Variants in TPX2 observed in about 807,000 individuals in gnomAD.
TPX2 encodes the protein TPX2 microtubule nucleation factor.
In TPX2, 21 loss-of-function variants were observed where a neutral mutation model predicts 93.6. That is an observed-to-expected ratio of 0.22 (90% CI 0.16 to 0.32). TPX2 has a LOEUF of 0.32. Among genes scored for constraint, TPX2 ranks in the 10% least tolerant of loss-of-function variants. The probability of loss-of-function intolerance (pLI) is 1.00; values close to 1 mark genes in which losing one functional copy is unlikely to be tolerated. For missense variants in TPX2, 776 were observed against 871.1 expected, an observed-to-expected ratio of 0.89 and a Z score of 1.37; for synonymous variants, 281 against 298.3, an observed-to-expected ratio of 0.94 and a Z score of 0.60.
chr20:31,752,645 G>A (rs1367430080), intron 2 of TPX2, among the ~76,000 whole-genome samples: 1 of 151,664 alleles, frequency 6.6e-6, no homozygotes, highest in Non-Finnish European at 1.5e-5. Flanking sequence ...ACGGAGTCTC[G>A]CACTGTTGCC....
intron 10 of TPX2, among the ~76,000 whole-genome samples, chr20:31,781,251 A>ATTTTTT (rs1423403725): frequency 8.2e-6 from 1 of 121,214 alleles, no homozygotes; most frequent in African/African-American, 3.8e-5. Context: ...AAGGCCTTAT[A>ATTTTTT]TCTTTTTTTT....
intron 17 of TPX2, 39 bp downstream of exon 17, chr20:31,798,591 C>T (rs1460321404): frequency 2.6e-6 from 4 of 1,546,350 alleles, no homozygotes; most frequent in East Asian, 2.3e-5. Context: ...ACAAACATGC[C>T]TCTGTTTTAT....
chr20:31,769,418 A>G (rs2061950220), intron 5 of TPX2, among the ~76,000 whole-genome samples: 1 of 149,414 alleles, frequency 6.7e-6, no homozygotes, highest in Non-Finnish European at 1.5e-5. Flanking sequence ...TCCCGGGTTC[A>G]CGCCATTCTC....
intron 3 of TPX2, among the ~76,000 whole-genome samples, chr20:31,758,660 C>G (rs1175839949): frequency 6.6e-6 from 1 of 152,108 alleles, no homozygotes; most frequent in African/African-American, 2.4e-5. Flanking sequence ...CTGTACTTAT[C>G]CGTATAGTGC....
At chr20:31,783,652 G>A in intron 11 of TPX2, 53 bp from the exon 12 acceptor site, 1 of 1,539,628 alleles carries the variant, frequency 6.5e-7, no homozygotes. Context: ...TGTTTGTGAA[G>A]TTTTCATTTT....
rs1405898707 is a variant in TPX2 at position 31,757,538 on chromosome 20, C to T, written c.62C>T (p.Ser21Phe). The change falls in exon 3 of 18, where the codon TCC becomes TTC. Residue 21 changes from serine (S) to phenylalanine (F), a missense_variant. Coordinates refer to ENST00000300403, the MANE Select transcript of TPX2 (RefSeq NM_012112.5). ...CCCTCGGATTTCATCAATTTTTCAT[C>T]CTTGGATGATGAAGGAGATACTCAA... The part of the protein sequence containing the change: ...DAPSDFINFS[S>F]LDDEGDTQNI... 6.2e-7 allele frequency: 1 copy of T among 1,613,948 alleles called. No homozygotes were observed. The highest frequency in any genetic ancestry group is 2.2e-5 in the East Asian group (1 of 44,852).
At chr20:31,740,927 G>T (rs1224206805) in intron 1 of TPX2, among the ~76,000 whole-genome samples, 2 of 152,124 alleles carry the variant, frequency 1.3e-5, no homozygotes, top group East Asian at 3.8e-4. Context: ...AAAATTGCGG[G>T]TATGAAAAAC....
chr20:31,766,735 A>G, intron 5 of TPX2, 53 bp downstream of exon 5: 1 of 1,563,694 alleles, frequency 6.4e-7, no homozygotes, highest in Non-Finnish European at 8.7e-7. Context: ...TTCAAAGGAT[A>G]GTTACTGGAC....
Position 31,797,463 on chromosome 20 carries a change from C to T in TPX2, c.1893C>T (p.Thr631=), listed in dbSNP as rs766409275. 1.1e-5 allele frequency: 18 copies of T among 1,613,946 alleles called. No individual in the cohort carries two copies. The East Asian group carries it at 1.3e-4, about 12-fold the overall frequency. Residue 631 remains threonine, a synonymous_variant, in exon 16 of 18, where the codon ACC becomes ACT. Coordinates refer to ENST00000300403, the MANE Select transcript of TPX2 (RefSeq NM_012112.5). ...CTTGTTTCAAGGCTCGTCCAAACAC[C>T]GTCATCTCTCAGGAGCCCTTTGTTC... The part of the protein sequence containing the change: ...EAACFKARPN[T]VISQEPFVPK...
At chr20:31,793,322 A>G (rs1026645694) in intron 13 of TPX2, among the ~76,000 whole-genome samples, 6 of 152,234 alleles carry the variant, frequency 3.9e-5, no homozygotes, top group Non-Finnish European at 8.8e-5. Context: ...TTCTTGTTAC[A>G]TCTCCCATTT....
At chr20:31,766,789 A>G in intron 5 of TPX2, 107 bp downstream of exon 5, 3 of 669,200 alleles carry the variant, frequency 4.5e-6, no homozygotes, top group Non-Finnish European at 6.2e-6. Flanking sequence ...GGACACCTTT[A>G]TGTTACTTTT....
intron 12 of TPX2, among the ~76,000 whole-genome samples, chr20:31,786,400 GT>G (rs369303743): frequency 9.0e-4 from 80 of 89,330 alleles, no homozygotes; most frequent in African/African-American, 1.8e-3. Flanking sequence ...CTGAACTACT[GT>G]TTTTTTTTTT....
chr20:31,760,464 G>C (rs1246461131), intron 4 of TPX2, among the ~76,000 whole-genome samples: 1 of 151,452 alleles, frequency 6.6e-6, no homozygotes, highest in Non-Finnish European at 1.5e-5. Context: ...ATAGCTCACT[G>C]CAGCCTCAAA....
chr20:31,798,572 C>T lies in TPX2; in HGVS notation c.2133+20C>T. On this transcript the variant is annotated intron_variant, in intron 17 of 17. Coordinates refer to ENST00000300403, the MANE Select transcript of TPX2 (RefSeq NM_012112.5). The stretch of plus-strand genomic sequence containing the variant: ...GAACTGGTAACTGGGAGCATGAGCA[C>T]TGACGAACACAAACATGCCTCTGTT... 1.3e-6 allele frequency: 2 copies of T among 1,580,548 alleles called. No individual in the cohort carries two copies. The highest frequency in any genetic ancestry group is 1.7e-6 in the Non-Finnish European group (2 of 1,166,886).
intron 10 of TPX2, chr20:31,781,162 A>G: frequency 6.2e-6 from 1 of 160,668 alleles, no homozygotes; most frequent in Middle Eastern, 1.0e-3. Context: ...GGCCTCAAGC[A>G]GTTCTCCTGC....
At chr20:31,744,824 G>A (rs542977732) in intron 2 of TPX2, among the ~76,000 whole-genome samples, 1 of 152,148 alleles carries the variant, frequency 6.6e-6, no homozygotes, top group Non-Finnish European at 1.5e-5. Flanking sequence ...GGTGGCTCAC[G>A]CCTGTAATCC....
intron 4 of TPX2, among the ~76,000 whole-genome samples, chr20:31,761,496 G>T: frequency 6.6e-6 from 1 of 152,010 alleles, no homozygotes; most frequent in South Asian, 2.1e-4. Flanking sequence ...CACTGCACCC[G>T]GTCAATATTT....
intron 8 of TPX2, among the ~76,000 whole-genome samples, chr20:31,776,412 A>G (rs1464950376): frequency 6.6e-6 from 1 of 151,878 alleles, no homozygotes; most frequent in Non-Finnish European, 1.5e-5. Flanking sequence ...GAAGTAAATA[A>G]AAAGGCTTTC....
intron 11 of TPX2, 62 bp from the exon 12 acceptor site, chr20:31,783,639 CTTTG>C (rs1365047416): frequency 2.3e-5 from 34 of 1,463,912 alleles, no homozygotes; most frequent in Admixed American, 8.5e-5. Context: ...GGTTGGCTTA[CTTTG>C]TTTGTGAAGT....
Sources: allele counts gnomAD v4.1 joint callset (sites outside exome capture counted in the v4.1 genomes callset), GRCh38; gene constraint gnomAD v4.1.1; transcripts MANE v1.5; gene names NCBI Gene and HGNC (gene_info 2026-07-23, HGNC 2026-07-21).